Variants in ERCC6L observed in about 807,000 individuals in gnomAD.
ERCC6L encodes the protein DNA excision repair protein ERCC-6-like.
ERCC6L carries 7 observed loss-of-function variants against 20.1 expected under a neutral mutation model. The observed-to-expected ratio is 0.35, with a 90% CI of 0.20 to 0.65. The LOEUF is 0.65. Among genes scored for constraint, ERCC6L ranks in the 30% least tolerant of loss-of-function variants. The probability of loss-of-function intolerance (pLI) is 0.69; values close to 1 mark genes in which losing one functional copy is unlikely to be tolerated. For synonymous variants in ERCC6L, 278 were observed against 331.3 expected (o/e 0.84, Z 1.75); for missense variants, 592 against 892.4 (o/e 0.66, Z 4.29).
chrX:72,210,146 G>A (rs1021780729), intron 1 of ERCC6L, among the ~76,000 whole-genome samples: 18 of 107,980 alleles, frequency 1.7e-4, no homozygotes, highest in African/African-American at 4.7e-4. Flanking sequence ...CAGGAGGATC[G>A]CTTGAGGTCA....
At chrX:72,221,278 C>T (rs976342591) in intron 1 of ERCC6L, among the ~76,000 whole-genome samples, 1 of 112,045 alleles carries the variant, frequency 8.9e-6, no homozygotes, top group Non-Finnish European at 1.9e-5. Flanking sequence ...CAGCCAACTG[C>T]TAAGATCTGC....
intron 1 of ERCC6L, among the ~76,000 whole-genome samples, chrX:72,212,004 G>A (rs975575049): frequency 5.4e-5 from 6 of 111,291 alleles, no homozygotes; most frequent in Non-Finnish European, 9.4e-5. Context: ...GCTGGGCATG[G>A]TGGCTCATGC....
intron 1 of ERCC6L, among the ~76,000 whole-genome samples, chrX:72,228,040 C>T (rs940551966): frequency 1.8e-5 from 2 of 112,149 alleles, no homozygotes; most frequent in African/African-American, 6.5e-5. Context: ...AAGTTACTTC[C>T]TCCTTCCTTT....
intron 1 of ERCC6L, among the ~76,000 whole-genome samples, chrX:72,216,744 T>C (rs1481597289): frequency 2.7e-5 from 3 of 111,411 alleles, no homozygotes; most frequent in East Asian, 2.8e-4. Flanking sequence ...TAAAGGTCTA[T>C]ACCCATTGTA....
At chrX:72,218,217 T>C (rs1453316445) in intron 1 of ERCC6L, among the ~76,000 whole-genome samples, 4 of 103,074 alleles carry the variant, frequency 3.9e-5, no homozygotes, top group Non-Finnish European at 5.9e-5. Context: ...TTGCAGTGAG[T>C]CAAGATCGCA....
intron 1 of ERCC6L, among the ~76,000 whole-genome samples, chrX:72,232,766 C>T (rs1191554928): frequency 1.8e-5 from 2 of 111,582 alleles, no homozygotes; most frequent in South Asian, 3.7e-4. Flanking sequence ...GCTGAGATCG[C>T]GTCATTGTAC....
Position 72,207,746 on chromosome X carries a change from G to C in ERCC6L, c.1021C>G (p.Pro341Ala), listed in dbSNP as rs2042829019. Residue 341 changes from proline (P) to alanine (A), a missense_variant, in exon 2 of 2, where the codon CCA becomes GCA. Coordinates refer to ENST00000334463, the MANE Select transcript of ERCC6L (RefSeq NM_017669.4). The stretch of plus-strand genomic sequence containing the variant: ...TTCTTTTCATTAAGTCTGGCCTCTG[G>C]GTTGCTTGACTTTTTCTTCTGTACG... ...EDVQKKKSSN[P>A]EARLNEKNPD... The C allele has an allele frequency of 8.3e-7, 1 of 1,211,122 alleles. No individual in the cohort carries two copies. Among genetic ancestry groups the C allele is most frequent in the Admixed American group, 2.2e-5 (1 of 45,941 alleles).
At chrX:72,211,731 C>T (rs1402391587) in intron 1 of ERCC6L, among the ~76,000 whole-genome samples, 1 of 110,356 alleles carries the variant, frequency 9.1e-6, no homozygotes, top group Non-Finnish European at 1.9e-5. Context: ...CTGCAGTGAG[C>T]CATGATCGCA....
At chrX:72,229,958 C>T (rs948275308) in intron 1 of ERCC6L, among the ~76,000 whole-genome samples, 3 of 110,654 alleles carry the variant, frequency 2.7e-5, no homozygotes, top group Admixed American at 9.7e-5. Context: ...TTTGGGAGGC[C>T]GAGGCAGGAG....
chrX:72,211,257 A>T (rs975588538), intron 1 of ERCC6L, among the ~76,000 whole-genome samples: 3 of 110,890 alleles, frequency 2.7e-5, no homozygotes, highest in Admixed American at 1.9e-4. Context: ...TTCCTTGAAC[A>T]TAGGCAGGGA....
intron 1 of ERCC6L, among the ~76,000 whole-genome samples, chrX:72,218,818 T>G (rs1243568377): frequency 8.9e-6 from 1 of 112,873 alleles, no homozygotes. Flanking sequence ...ATTACATCTT[T>G]CAATCCATAA....
chrX:72,219,371 T>C (rs1324390902), intron 1 of ERCC6L, among the ~76,000 whole-genome samples: 1 of 108,496 alleles, frequency 9.2e-6, no homozygotes, highest in African/African-American at 3.4e-5. Flanking sequence ...CTGGCCAACA[T>C]GGTGAAACCC....
chrX:72,223,022 T>C (rs1418756873), intron 1 of ERCC6L, among the ~76,000 whole-genome samples: 1 of 107,726 alleles, frequency 9.3e-6, no homozygotes, highest in Admixed American at 1.0e-4. Context: ...GCCCCAGATA[T>C]CCAGAAAATA....
At chrX:72,213,540 G>A (rs1344390751) in intron 1 of ERCC6L, among the ~76,000 whole-genome samples, 1 of 111,621 alleles carries the variant, frequency 9.0e-6, no homozygotes, top group Non-Finnish European at 1.9e-5. Context: ...TTCGCTCACC[G>A]TCCACCACTG....
intron 1 of ERCC6L, among the ~76,000 whole-genome samples, chrX:72,218,754 G>T (rs2042902364): frequency 8.9e-6 from 1 of 111,888 alleles, no homozygotes; most frequent in African/African-American, 3.2e-5. Flanking sequence ...GATTTTCTTA[G>T]ATGTGGCATT....
At chrX:72,222,252 G>A (rs1010918411) in intron 1 of ERCC6L, among the ~76,000 whole-genome samples, 14 of 111,903 alleles carry the variant, frequency 1.3e-4, no homozygotes, top group African/African-American at 3.9e-4. Flanking sequence ...TATCACTATC[G>A]CAGGGAATTC....
chrX:72,238,956 TTGGAGCTTGGAGC>T lies in ERCC6L; in HGVS notation c.-58_-46del, dbSNP rs1569492596. ...AGTTACCCCGGCGGGAGTTTGGAGCTTGGAGCTTGGAGCTTGGAGCTTGGAGCTTAGAGTTTGG... is the reference window on the plus strand; with the variant it reads ...AGTTACCCCGGCGGGAGTTTGGAGCTTTGGAGCTTGGAGCTTAGAGTTTGG... On this transcript the variant is annotated 5_prime_UTR_variant, in exon 1 of 2. Transcript: ENST00000334463. 3.1e-6 allele frequency: 3 copies of T among 968,357 alleles called. No individual in the cohort carries two copies. The highest frequency in any genetic ancestry group is 5.2e-5 in the Admixed American group (2 of 38,232). 79.8% of individuals were successfully genotyped at this position (968,357 alleles called of 1,213,427 possible). A position where few individuals can be genotyped will look rare whatever the true frequency, so the allele number is the denominator to read the frequency against.
rs1042852381 is a variant in ERCC6L at position 72,220,760 on chromosome X, A to C, written c.69-12062T>G. Among the ~76,000 whole-genome samples, 4 of 111,938 alleles carry C rather than the reference A, an allele frequency of 3.6e-5. No individual in the cohort carries two copies. The Admixed American group carries it at 3.8e-4, about 11-fold the overall frequency. ...CACCCTAAAACCAATATATACTGTT[A>C]GTCTGTAAGAGAAAGCACTCCTGAC... On this transcript the variant is annotated intron_variant, in intron 1 of 1. Coordinates refer to ENST00000334463, the MANE Select transcript of ERCC6L (RefSeq NM_017669.4).
At chrX:72,215,952 T>A (rs1245339269) in intron 1 of ERCC6L, among the ~76,000 whole-genome samples, 1 of 110,569 alleles carries the variant, frequency 9.0e-6, no homozygotes, top group Non-Finnish European at 1.9e-5. Context: ...CTATAAAATG[T>A]TGGCATTTCT....
Sources: gnomAD v4.1 joint callset for allele counts (sites outside exome capture counted in the v4.1 genomes callset) on GRCh38, gnomAD v4.1.1 for gene constraint, MANE v1.5 for transcripts, NCBI Gene and HGNC (gene_info 2026-07-23, HGNC 2026-07-21) for gene names.